FGF12: variants seen among roughly 807,000 people sequenced by gnomAD.
The protein encoded by FGF12 is fibroblast growth factor 12, also known as fibroblast growth factor 12B.
Under a neutral mutation model 23.6 loss-of-function variants are expected in FGF12, and 14 were observed. That is an observed-to-expected ratio of 0.59 (90% confidence interval 0.39 to 0.93). FGF12 has a LOEUF of 0.93. FGF12 is among the 40% of genes least tolerant of loss of function. The probability of loss-of-function intolerance (pLI) is 0.00; values close to 1 mark genes in which losing one functional copy is unlikely to be tolerated. For synonymous variants in FGF12, 62 were observed against 77.3 expected, an observed-to-expected ratio of 0.80 and a Z score of 1.04; for missense variants, 175 against 217.8, an observed-to-expected ratio of 0.80 and a Z score of 1.24.
chr3:192,588,344 C>T (rs1174965404), intron 2 of FGF12, among the ~76,000 whole-genome samples: 7 of 73,280 alleles, frequency 9.6e-5, no homozygotes, highest in African/African-American at 2.3e-4. Context: ...AGCAACAATC[C>T]GTCTCAAAAA....
chr3:192,303,091 T>G (rs1428595444), intron 4 of FGF12, among the ~76,000 whole-genome samples: 1 of 152,186 alleles, frequency 6.6e-6, no homozygotes, highest in Admixed American at 6.5e-5. Flanking sequence ...TCCTTATTTT[T>G]TAAATCAAAC....
At chr3:192,156,160 T>G (rs764988409) in intron 5 of FGF12, among the ~76,000 whole-genome samples, 4 of 152,250 alleles carry the variant, frequency 2.6e-5, no homozygotes, top group African/African-American at 4.8e-5. Flanking sequence ...ATATTTTAGT[T>G]CTTATGATAA....
chr3:192,255,602 C>A (rs1712333253), intron 4 of FGF12, among the ~76,000 whole-genome samples: 1 of 151,960 alleles, frequency 6.6e-6, no homozygotes, highest in Non-Finnish European at 1.5e-5. Flanking sequence ...CATGTAAGCA[C>A]AACCTAATCC....
chr3:192,671,768 T>C (rs984455405), intron 2 of FGF12, among the ~76,000 whole-genome samples: 20 of 141,862 alleles, frequency 1.4e-4, no homozygotes, highest in African/African-American at 4.0e-4. Context: ...ATCTTGTGCT[T>C]CTTGACCAAC....
intron 4 of FGF12, among the ~76,000 whole-genome samples, chr3:192,192,360 C>T (rs1716836246): frequency 6.7e-6 from 1 of 150,306 alleles, no homozygotes; most frequent in Non-Finnish European, 1.5e-5. Flanking sequence ...ATTATATATA[C>T]ACATTTACAC....
At chr3:192,532,233 G>A (rs1028835971) in intron 2 of FGF12, among the ~76,000 whole-genome samples, 2 of 152,024 alleles carry the variant, frequency 1.3e-5, no homozygotes, top group African/African-American at 4.8e-5. Context: ...GGCTGTGTGG[G>A]CTCTTTTTTG....
intron 2 of FGF12, among the ~76,000 whole-genome samples, chr3:192,437,887 A>G (rs929790601): frequency 1.3e-5 from 2 of 152,102 alleles, no homozygotes; most frequent in Non-Finnish European, 2.9e-5. Flanking sequence ...ACTCCCTTGT[A>G]TAGCTTCATT....
At chr3:192,670,746 G>A (rs1450920852) in intron 2 of FGF12, among the ~76,000 whole-genome samples, 1 of 152,120 alleles carries the variant, frequency 6.6e-6, no homozygotes, top group East Asian at 1.9e-4. Flanking sequence ...CTGCAGTCTA[G>A]TACATCAATA....
chr3:192,453,223 T>C (rs1283170330), intron 2 of FGF12, among the ~76,000 whole-genome samples: 3 of 152,214 alleles, frequency 2.0e-5, no homozygotes, highest in Non-Finnish European at 2.9e-5. Flanking sequence ...AAACCATCTA[T>C]TGGGTTTTTA....
chr3:192,435,332 A>T (rs140185155), intron 2 of FGF12, among the ~76,000 whole-genome samples: 2 of 152,298 alleles, frequency 1.3e-5, no homozygotes, highest in African/African-American at 4.8e-5. Context: ...CTGCTAAAGG[A>T]AATACAGTGA....
At chr3:192,395,416 T>C (rs1720476633) in intron 2 of FGF12, among the ~76,000 whole-genome samples, 1 of 152,240 alleles carries the variant, frequency 6.6e-6, no homozygotes, top group Non-Finnish European at 1.5e-5. Context: ...GAATTTAATA[T>C]CAAATGAAGA....
At position 192,408,149 on chromosome 3, in the gene FGF12, C is replaced by A. The variant is rs1415585164; in HGVS notation, c.14-47611G>T. 1 of 1,611,678 alleles carries A rather than the reference C, an allele frequency of 6.2e-7. No individual in the cohort carries two copies. The highest frequency in any genetic ancestry group is 1.3e-5 in the African/African-American group (1 of 74,916). On this transcript the variant is annotated intron_variant, in intron 2 of 5. Transcript: ENST00000445105. The surrounding 1 kb of genome is among the most constrained non-coding windows in gnomAD (Gnocchi z 7.3). ...TGGGGCTGGAGCGGCGCTTGGAGGCCGACACTCGGTCGCTGTTGGACTCCC... is the reference window on the plus strand; with the variant it reads ...TGGGGCTGGAGCGGCGCTTGGAGGCAGACACTCGGTCGCTGTTGGACTCCC...
At chr3:192,250,859 T>C (rs1264027026) in intron 4 of FGF12, among the ~76,000 whole-genome samples, 1 of 152,086 alleles carries the variant, frequency 6.6e-6, no homozygotes, top group Non-Finnish European at 1.5e-5. Context: ...AAATCAAACA[T>C]AGAAGATTAA....
chr3:192,204,530 A>G (rs1422642544), intron 4 of FGF12, among the ~76,000 whole-genome samples: 2 of 152,158 alleles, frequency 1.3e-5, no homozygotes, highest in East Asian at 1.9e-4. Context: ...CATTTTAATA[A>G]CCTGTGAAGT....
intron 4 of FGF12, among the ~76,000 whole-genome samples, chr3:192,182,396 A>G (rs1434317055): frequency 6.6e-6 from 1 of 152,180 alleles, no homozygotes; most frequent in Non-Finnish European, 1.5e-5. Flanking sequence ...TAAAACATAT[A>G]TTCTGAAGTG....
At chr3:192,550,235 GATATATATGTATGT>G (rs1725597709) in intron 2 of FGF12, among the ~76,000 whole-genome samples, 1 of 151,096 alleles carries the variant, frequency 6.6e-6, no homozygotes, top group Non-Finnish European at 1.5e-5. Context: ...TATATGTACA[GATATATATGTATGT>G]ATATATATGT....
At chr3:192,398,064 T>TA (rs146662548) in intron 2 of FGF12, among the ~76,000 whole-genome samples, 5 of 151,642 alleles carry the variant, frequency 3.3e-5, no homozygotes, top group African/African-American at 9.7e-5. Flanking sequence ...AAACCCCCTT[T>TA]AAAAAAAAAT....
At chr3:192,225,288 C>T (rs575223196) in intron 4 of FGF12, among the ~76,000 whole-genome samples, 13 of 152,174 alleles carry the variant, frequency 8.5e-5, no homozygotes, top group African/African-American at 2.6e-4. Flanking sequence ...CAATATTTTG[C>T]ATATTTCTCC....
chr3:192,558,214 GATA>G (rs1384191116), intron 2 of FGF12, among the ~76,000 whole-genome samples: 1 of 151,592 alleles, frequency 6.6e-6, no homozygotes, highest in Non-Finnish European at 1.5e-5. Flanking sequence ...GAAAAACAGA[GATA>G]ATAAATTCAG....
Sources: allele counts gnomAD v4.1 joint callset (sites outside exome capture counted in the v4.1 genomes callset), GRCh38; gene constraint gnomAD v4.1.1; non-coding constraint Gnocchi (gnomAD v3.1); transcripts MANE v1.5; gene names NCBI Gene and HGNC (gene_info 2026-07-23, HGNC 2026-07-21).